The following NRXN3 variants were observed in gnomAD, a reference collection of about 807,000 sequenced individuals.
NRXN3 encodes neurexin 3.
NRXN3 carries 32 observed loss-of-function variants against 137.6 expected under a neutral mutation model. The observed-to-expected ratio is 0.23, with a 90% confidence interval of 0.18 to 0.31. NRXN3 has a LOEUF of 0.31. Ranked by LOEUF, NRXN3 falls within the 10% of genes least tolerant of loss-of-function variation. The pLI, the probability that NRXN3 is intolerant of heterozygous loss-of-function variation, is 1.00. For missense variants in NRXN3, 1,574 were observed against 2,062.5 expected (o/e 0.76, Z 4.59); for synonymous variants, 798 against 784.5 (o/e 1.02, Z -0.29).
intron 15 of NRXN3, among the ~76,000 whole-genome samples, chr14:78,989,204 T>A (rs1021165311): frequency 5.3e-5 from 8 of 152,244 alleles, no homozygotes; most frequent in African/African-American, 1.4e-4. Flanking sequence ...ATGCATGATG[T>A]TATCTGAGAA....
intron 19 of NRXN3, among the ~76,000 whole-genome samples, chr14:79,702,051 T>TTAGAG (rs1219462371): frequency 6.6e-6 from 1 of 151,888 alleles, no homozygotes; most frequent in Non-Finnish European, 1.5e-5. Flanking sequence ...TGGCTATAGT[T>TTAGAG]TAGAGTAAGG....
At chr14:78,257,275 A>G (rs1183418334) in intron 2 of NRXN3, among the ~76,000 whole-genome samples, 1 of 152,258 alleles carries the variant, frequency 6.6e-6, no homozygotes, top group African/African-American at 2.4e-5. Flanking sequence ...GGAACAGGCC[A>G]TCTCTTTATT....
At chr14:78,757,034 A>C (rs11848037) in intron 8 of NRXN3, among the ~76,000 whole-genome samples, 7,712 of 152,202 alleles carry the variant, frequency 0.051, 631 homozygotes, top group African/African-American at 0.17. Context: ...TGTTACTCTC[A>C]TCTGAATGTG....
At chr14:79,154,815 TG>T (rs2060115317) in intron 15 of NRXN3, among the ~76,000 whole-genome samples, 1 of 151,976 alleles carries the variant, frequency 6.6e-6, no homozygotes, top group African/African-American at 2.4e-5. Context: ...TTTATGGTAA[TG>T]AAACGTAATC....
intron 10 of NRXN3, among the ~76,000 whole-genome samples, chr14:78,875,393 AG>A (rs1298239423): frequency 3.3e-5 from 5 of 152,226 alleles, no homozygotes; most frequent in Non-Finnish European, 1.5e-5. Context: ...TATAGGATAA[AG>A]TGGCCTTTGG....
intron 16 of NRXN3, among the ~76,000 whole-genome samples, chr14:79,600,797 G>T (rs772450664): frequency 8.5e-5 from 13 of 152,070 alleles, no homozygotes; most frequent in Non-Finnish European, 1.5e-4. Flanking sequence ...TGGAAAAATG[G>T]CTAATTCTAG....
intron 19 of NRXN3, among the ~76,000 whole-genome samples, chr14:79,709,718 T>C (rs1206356321): frequency 1.3e-5 from 2 of 152,110 alleles, no homozygotes; most frequent in Non-Finnish European, 2.9e-5. Context: ...CACACTATAA[T>C]GCACAATGAA....
At chr14:78,728,510 G>A (rs1310399964) in intron 8 of NRXN3, among the ~76,000 whole-genome samples, 1 of 152,096 alleles carries the variant, frequency 6.6e-6, no homozygotes, top group Admixed American at 6.5e-5. Flanking sequence ...GTATAAAAAG[G>A]GAATTCACAT....
chr14:78,824,116 T>TTC (rs1555513328), intron 10 of NRXN3, among the ~76,000 whole-genome samples: 3 of 149,078 alleles, frequency 2.0e-5, no homozygotes, highest in Non-Finnish European at 4.5e-5. Context: ...TTTTTTTTTT[T>TTC]TTTTTTTTTC....
chr14:79,325,952 G>C (rs1396369309), intron 15 of NRXN3, among the ~76,000 whole-genome samples: 2 of 152,148 alleles, frequency 1.3e-5, no homozygotes, highest in Non-Finnish European at 2.9e-5. Flanking sequence ...TACTCTTGCT[G>C]GAAAGGTAGA....
intron 16 of NRXN3, among the ~76,000 whole-genome samples, chr14:79,598,164 A>C (rs1407184027): frequency 1.3e-5 from 2 of 152,206 alleles, no homozygotes; most frequent in Non-Finnish European, 2.9e-5. Context: ...TGAATAGATA[A>C]AGAGATATTG....
chr14:78,204,136 C>T (rs995816169), intron 1 of NRXN3, among the ~76,000 whole-genome samples: 6 of 152,004 alleles, frequency 3.9e-5, no homozygotes, highest in South Asian at 2.1e-4. Flanking sequence ...TTGTTCCTCC[C>T]GCTAAAGTTT....
intron 15 of NRXN3, among the ~76,000 whole-genome samples, chr14:79,422,655 G>A (rs2095596024): frequency 6.6e-6 from 1 of 150,608 alleles, no homozygotes; most frequent in Admixed American, 6.6e-5. Context: ...ATGGATGGCT[G>A]TCTAGATTGA....
chr14:79,445,430 T>C (rs147026837), intron 15 of NRXN3, among the ~76,000 whole-genome samples: 121 of 152,300 alleles, frequency 7.9e-4, no homozygotes, highest in Non-Finnish European at 1.2e-3. Flanking sequence ...AATTAGATCA[T>C]TGAGAGTGTA....
intron 15 of NRXN3, among the ~76,000 whole-genome samples, chr14:79,301,088 C>G: frequency 6.6e-6 from 1 of 152,044 alleles, no homozygotes; most frequent in Admixed American, 6.6e-5. Flanking sequence ...TCTAACTTTT[C>G]AGAGGATTTT....
At chr14:78,806,036 T>C (rs1356447640) in intron 9 of NRXN3, among the ~76,000 whole-genome samples, 4 of 142,048 alleles carry the variant, frequency 2.8e-5, no homozygotes, top group African/African-American at 1.0e-4. Context: ...GCTTTTCCAA[T>C]AGACTTTGCT....
At chr14:78,382,922 G>A (rs891358640) in intron 4 of NRXN3, among the ~76,000 whole-genome samples, 1 of 152,136 alleles carries the variant, frequency 6.6e-6, no homozygotes, top group African/African-American at 2.4e-5. Flanking sequence ...GTGTGTGTGT[G>A]GGGAGGAGGG....
chr14:78,577,908 C>G (rs916940814), intron 4 of NRXN3, among the ~76,000 whole-genome samples: 2 of 152,006 alleles, frequency 1.3e-5, no homozygotes, highest in Admixed American at 1.3e-4. Context: ...GCCTAGCTGT[C>G]TTTTGTTTGA....
chr14:78,645,036 T>A, intron 4 of NRXN3, 84 bp from the exon 5 acceptor site: 1 of 1,230,812 alleles, frequency 8.1e-7, no homozygotes, highest in Admixed American at 2.5e-5. Flanking sequence ...GCAGTGCCCC[T>A]GCGGTGTGTT....
Sources: allele counts gnomAD v4.1 joint callset (sites outside exome capture counted in the v4.1 genomes callset), GRCh38; gene constraint gnomAD v4.1.1; transcripts MANE v1.5; gene names NCBI Gene and HGNC (gene_info 2026-07-23, HGNC 2026-07-21).